RNF24: variants seen among roughly 807,000 people sequenced by gnomAD.
The protein encoded by RNF24 is ring finger protein 24.
A neutral mutation model predicts 20.0 loss-of-function variants in RNF24; 14 were observed. That is an observed-to-expected ratio of 0.70 (90% CI 0.46 to 1.10). The LOEUF is 1.10. Among genes scored for constraint, RNF24 ranks in the 50% least tolerant of loss-of-function variants. RNF24 has a pLI of 0.00. For synonymous variants in RNF24, 45 were observed against 61.1 expected (o/e 0.74, Z 1.23); for missense variants, 124 against 177.6 (o/e 0.70, Z 1.71).
intron 1 of RNF24, among the ~76,000 whole-genome samples, chr20:3,990,849 C>T (rs1222757454): frequency 6.6e-6 from 1 of 151,394 alleles, no homozygotes; most frequent in African/African-American, 2.4e-5. Context: ...GCATCCCAGC[C>T]AAGATGACAG....
At chr20:3,979,253 A>C (rs1361502277) in intron 1 of RNF24, among the ~76,000 whole-genome samples, 1 of 152,148 alleles carries the variant, frequency 6.6e-6, no homozygotes, top group East Asian at 1.9e-4. Flanking sequence ...TTATCATGCT[A>C]TAGGAAGATT....
chr20:3,956,305 G>T (rs1355375756), intron 2 of RNF24, among the ~76,000 whole-genome samples: 3 of 149,164 alleles, frequency 2.0e-5, no homozygotes, highest in Admixed American at 2.0e-4. Flanking sequence ...TGTCAGTTTT[G>T]ATACACCTCT....
chr20:3,948,264 T>C lies in RNF24; in HGVS notation c.159A>G (p.Ala53=), dbSNP rs2091043795. 4 of 1,590,874 alleles carry C rather than the reference T, an allele frequency of 2.5e-6. No homozygotes were observed. In the African/African-American group the frequency reaches 5.4e-5, roughly 22 times the overall value. The stretch of plus-strand genomic sequence containing the variant: ...GTTTGTAGGCATAAAATTCTTTGTG[T>C]GCTTGATGTCTTAGCCTAAAAGACA... ...CCYLIRLRHQ[A]HKEFYAYKQV... is the part of the protein sequence containing the mutation. The change falls in exon 3 of 6, where the codon GCA becomes GCG. Residue 53 remains alanine (A), a synonymous_variant. Transcript: ENST00000358395.
intron 1 of RNF24, among the ~76,000 whole-genome samples, chr20:3,985,307 T>A: frequency 6.6e-6 from 1 of 152,224 alleles, no homozygotes; most frequent in Non-Finnish European, 1.5e-5. Flanking sequence ...TTGGCTGGAC[T>A]TGAACTCCTG....
At chr20:4,001,604 G>C (rs192003267) in intron 1 of RNF24, among the ~76,000 whole-genome samples, 3 of 152,168 alleles carry the variant, frequency 2.0e-5, no homozygotes, top group Admixed American at 6.6e-5. Flanking sequence ...TTCTGGTAGA[G>C]GAAAGAAAGC....
intron 1 of RNF24, among the ~76,000 whole-genome samples, chr20:3,978,792 A>G (rs1979123672): frequency 2.0e-5 from 3 of 152,152 alleles, no homozygotes. Context: ...AAGAGGACAT[A>G]AACAATACCA....
intron 2 of RNF24, among the ~76,000 whole-genome samples, chr20:3,959,157 A>G (rs2091174690): frequency 1.3e-5 from 2 of 152,078 alleles, no homozygotes; most frequent in South Asian, 4.1e-4. Context: ...TACACATCCA[A>G]CTAAGTATTA....
intron 1 of RNF24, among the ~76,000 whole-genome samples, chr20:3,995,201 C>T (rs1980764367): frequency 6.6e-6 from 1 of 152,172 alleles, no homozygotes; most frequent in Non-Finnish European, 1.5e-5. Flanking sequence ...ACATCCACCT[C>T]TGGGGTGTGC....
chr20:3,954,272 T>C (rs967175156), intron 2 of RNF24, among the ~76,000 whole-genome samples: 1 of 152,116 alleles, frequency 6.6e-6, no homozygotes, highest in Non-Finnish European at 1.5e-5. Context: ...CCCTGCAACC[T>C]CTTATCTGCT....
chr20:3,962,602 TGGGACTTCTTCAGTTAACAGTTAC>T (rs2091214797), intron 2 of RNF24, among the ~76,000 whole-genome samples: 3 of 152,166 alleles, frequency 2.0e-5, no homozygotes, highest in Admixed American at 6.5e-5. Context: ...GTACTTTTTT[TGGGACTTCTTCAGTTAACAGTTAC>T]TTTACACAGT....
At chr20:3,997,521 T>C (rs1167857665) in intron 1 of RNF24, among the ~76,000 whole-genome samples, 1 of 151,818 alleles carries the variant, frequency 6.6e-6, no homozygotes, top group East Asian at 1.9e-4. Context: ...CAAACTCCCA[T>C]GCCCAGACAA....
Position 3,946,241 on chromosome 20 carries a change from C to T in RNF24, c.187-1023G>A, listed in dbSNP as rs868720220. Among the ~76,000 whole-genome samples the T allele has an allele frequency of 4.0e-5, 6 of 151,864 alleles. No homozygotes were observed. The South Asian group carries it at 1.2e-3, about 32-fold the overall frequency. On this transcript the variant is annotated intron_variant, in intron 3 of 5. Coordinates refer to ENST00000358395, the MANE Select transcript of RNF24 (RefSeq NM_001134337.3). ...CAGCACTTTGGGAGGCCGAGGTGGG[C>T]GGACTGCTTGATCCCAGGAGTTTAA... is the stretch of plus-strand genomic sequence containing the variant.
chr20:4,005,160 AGGTTACTTCTTTG>A (rs1396784236), intron 1 of RNF24, among the ~76,000 whole-genome samples: 1 of 151,958 alleles, frequency 6.6e-6, no homozygotes, highest in Admixed American at 6.6e-5. Flanking sequence ...AAACCTGAAC[AGGTTACTTCTTTG>A]ACATTTAGTT....
At chr20:3,987,655 A>T (rs1235168034) in intron 1 of RNF24, among the ~76,000 whole-genome samples, 2 of 152,226 alleles carry the variant, frequency 1.3e-5, no homozygotes, top group African/African-American at 4.8e-5. Context: ...TGATTCTTAA[A>T]AATTTGGTGT....
intron 1 of RNF24, among the ~76,000 whole-genome samples, chr20:3,980,998 A>G (rs1273089825): frequency 6.6e-6 from 1 of 151,532 alleles, no homozygotes; most frequent in Non-Finnish European, 1.5e-5. Flanking sequence ...GCGGCCCTGA[A>G]TGCTTATGGG....
chr20:3,945,507 G>A (rs2091005619), intron 3 of RNF24, among the ~76,000 whole-genome samples: 1 of 152,068 alleles, frequency 6.6e-6, no homozygotes, highest in African/African-American at 2.4e-5. Context: ...CTGAGGTCAG[G>A]AGTTTGAGAC....
rs144494365 is a variant in RNF24, at chr20:3,930,070, T to C, written c.*3993A>G. The stretch of plus-strand genomic sequence containing the variant: ...CACATGTGTGTACATGCATAAATGA[T>C]CTCTGGAAGGATACCCAAGGAACAA... On this transcript the variant is annotated 3_prime_UTR_variant, in exon 6 of 6. Coordinates refer to ENST00000358395, the MANE Select transcript of RNF24 (RefSeq NM_001134337.3). The C allele has an allele frequency of 6.6e-6, 1 of 152,260 alleles. No homozygotes were observed. Among genetic ancestry groups the C allele is most frequent in the East Asian group, 1.9e-4 (1 of 5,174 alleles). 9.4% of individuals were successfully genotyped at this position (152,260 alleles called of 1,614,324 possible). A position where few individuals can be genotyped will look rare whatever the true frequency, so the allele number is the denominator to read the frequency against.
chr20:3,937,780 A>T (rs1368438519), intron 4 of RNF24, among the ~76,000 whole-genome samples: 1 of 152,210 alleles, frequency 6.6e-6, no homozygotes, highest in African/African-American at 2.4e-5. Context: ...TGTAACATAT[A>T]TCAGTACTTC....
At chr20:3,990,493 G>A (rs1253664495) in intron 1 of RNF24, among the ~76,000 whole-genome samples, 1 of 152,116 alleles carries the variant, frequency 6.6e-6, no homozygotes, top group African/African-American at 2.4e-5. Flanking sequence ...GCAAAAGGTT[G>A]GAAGCAACCT....
Sources: allele counts gnomAD v4.1 joint callset (sites outside exome capture counted in the v4.1 genomes callset), GRCh38; gene constraint gnomAD v4.1.1; transcripts MANE v1.5; gene names NCBI Gene and HGNC (gene_info 2026-07-23, HGNC 2026-07-21).